Variants in PIWIL1 observed in about 807,000 individuals in gnomAD.
PIWIL1 encodes the protein piwi like RNA-mediated gene silencing 1, also known as piwi-like protein 1.
Under a neutral mutation model 114.4 loss-of-function variants are expected in PIWIL1, and 73 were observed. The observed-to-expected ratio is 0.64, with a 90% CI of 0.53 to 0.78. The LOEUF (loss-of-function observed/expected upper bound fraction) is 0.78, where lower values mean the gene tolerates loss of function less well. Ranked by LOEUF, PIWIL1 falls within the 30% of genes least tolerant of loss-of-function variation. The pLI, the probability that PIWIL1 is intolerant of heterozygous loss-of-function variation, is 0.00. For synonymous variants in PIWIL1, 375 were observed against 369.0 expected (o/e 1.02, Z -0.19); for missense variants, 723 against 1,063.1 (o/e 0.68, Z 4.45).
the PIWIL1 span, among the ~76,000 whole-genome samples, chr12:130,423,708 G>A: frequency 8.7e-6 from 1 of 115,250 alleles, no homozygotes; most frequent in African/African-American, 3.4e-5. Context: ...TTTTTTTTTG[G>A]TTATAAATGT....
At chr12:130,358,195 G>A (rs576505324) in intron 14 of PIWIL1, among the ~76,000 whole-genome samples, 7 of 152,274 alleles carry the variant, frequency 4.6e-5, no homozygotes, top group Non-Finnish European at 8.8e-5. Context: ...CCAGAGTCTC[G>A]CTACCTAGCG....
chr12:130,358,910 A>G (rs1226123055), intron 14 of PIWIL1, among the ~76,000 whole-genome samples: 1 of 152,100 alleles, frequency 6.6e-6, no homozygotes, highest in Non-Finnish European at 1.5e-5. Context: ...GTTGTTCACC[A>G]TGGTGTGCTT....
chr12:130,352,860 A>G (rs1415505612), intron 9 of PIWIL1, among the ~76,000 whole-genome samples: 2 of 152,206 alleles, frequency 1.3e-5, no homozygotes, highest in Non-Finnish European at 2.9e-5. Flanking sequence ...CAAGTCAGTG[A>G]TGTGGTGTGG....
intron 16 of PIWIL1, 42 bp downstream of exon 16, chr12:130,361,643 A>C (rs1308068868): frequency 6.7e-7 from 1 of 1,502,468 alleles, no homozygotes; most frequent in Admixed American, 1.7e-5. Context: ...TGAGGACATA[A>C]AGCAGGGTTC....
At position 130,371,546 on chromosome 12, in the gene PIWIL1, G is replaced by C. The variant is rs1266670224; in HGVS notation, c.2534G>C (p.Ser845Thr). The C allele has an allele frequency of 1.2e-6, 2 of 1,614,136 alleles. No individual in the cohort carries two copies. Among genetic ancestry groups the C allele is most frequent in the Non-Finnish European group, 1.7e-6 (2 of 1,180,036 alleles). Residue 845 changes from serine (S) to threonine (T), a missense_variant, in exon 21 of 21, where the codon AGT becomes ACT. Ser to Thr is a moderately conservative substitution (Grantham distance 58). This residue lies in a region of PIWIL1 where 106 missense variants were observed against 182.8 expected (regional missense o/e 0.58). Coordinates refer to ENST00000245255, the MANE Select transcript of PIWIL1 (RefSeq NM_004764.5). ...AHKLAFLVGQSIHREPNLSLS... is the reference protein window; with the variant it reads ...AHKLAFLVGQTIHREPNLSLS... ...AAGCTGGCTTTTCTTGTTGGCCAGAGTATTCACAGAGAGCCAAATCTGTCA... is the reference window on the plus strand; with the variant it reads ...AAGCTGGCTTTTCTTGTTGGCCAGACTATTCACAGAGAGCCAAATCTGTCA...
the PIWIL1 span, among the ~76,000 whole-genome samples, chr12:130,403,379 A>G: frequency 2.0e-5 from 3 of 152,240 alleles, no homozygotes; most frequent in Non-Finnish European, 4.4e-5. Flanking sequence ...AGGGAAGACT[A>G]TTCAAGAAAC....
rs185995248 is a variant in PIWIL1 at position 130,354,937 on chromosome 12, C to T, written c.1221C>T (p.Ala407=). 2.4e-5 allele frequency: 38 copies of T among 1,613,760 alleles called. No individual in the cohort carries two copies. Among genetic ancestry groups the T allele is most frequent in the African/African-American group, 1.1e-4 (8 of 74,990 alleles). The change falls in exon 11 of 21, where the codon GCC becomes GCT. Residue 407 remains alanine, a synonymous_variant. Transcript: ENST00000245255. ...ATTTTAACGTGATGAAAGACTTAGC[C>T]GTTCATACAAGACTAACTCCAGAGC... ...RNDFNVMKDL[A]VHTRLTPEQR...
At chr12:130,422,432 A>G in the PIWIL1 span, 1 of 1,546,104 alleles carries the variant, frequency 6.5e-7, no homozygotes, top group Non-Finnish European at 8.9e-7. The surrounding 1 kb of genome is among the most constrained non-coding windows in gnomAD (Gnocchi z 5.2). Context: ...AAGACACAAC[A>G]GCGATGATGG....
the PIWIL1 span, chr12:130,422,370 A>G: frequency 2.2e-6 from 2 of 911,884 alleles, no homozygotes; most frequent in Non-Finnish European, 3.4e-6. The surrounding 1 kb of genome is among the most constrained non-coding windows in gnomAD (Gnocchi z 5.2). Context: ...TGCTACTCCT[A>G]AAGTTTTGTT....
chr12:130,377,420 G>A (rs1363413457), downstream of PIWIL1, among the ~76,000 whole-genome samples: 5 of 152,152 alleles, frequency 3.3e-5, no homozygotes, highest in South Asian at 4.1e-4. Context: ...CGGTGCGCAC[G>A]CAGTTCACGG....
At chr12:130,356,285 A>ATTT (rs200936813) in intron 12 of PIWIL1, among the ~76,000 whole-genome samples, 2 of 141,734 alleles carry the variant, frequency 1.4e-5, no homozygotes, top group Non-Finnish European at 1.6e-5. Context: ...CAACATTTTC[A>ATTT]TTTTTTTTTT....
the PIWIL1 span, among the ~76,000 whole-genome samples, chr12:130,385,911 A>C: frequency 1.6e-3 from 249 of 152,316 alleles, no homozygotes; most frequent in African/African-American, 5.9e-3. Context: ...AATGATATTT[A>C]AGTTGCAAAT....
the PIWIL1 span, chr12:130,424,329 C>T: frequency 1.6e-6 from 2 of 1,231,780 alleles, no homozygotes; most frequent in South Asian, 4.1e-5. The surrounding 1 kb of genome is among the most constrained non-coding windows in gnomAD (Gnocchi z 9.8). Flanking sequence ...GAGGAGGCCA[C>T]CAGGGCCCAC....
the PIWIL1 span, chr12:130,412,545 G>C: frequency 7.3e-7 from 1 of 1,365,828 alleles, no homozygotes; most frequent in South Asian, 1.3e-5. Context: ...CCTCATCACC[G>C]CCTGCCTCTC....
Position 130,357,042 on chromosome 12 carries a change from C to A in PIWIL1, c.1529C>A (p.Ser510Ter). Residue 510 changes from serine to a stop codon, truncating the protein, a stop_gained, in exon 13 of 21, where the codon TCA (serine) becomes TAA (stop). Transcript: ENST00000245255. LOFTEE classifies it high-confidence loss of function. ...YTRRNYEAANSLIQNLFKVTP... is the reference protein window; with the variant it reads ...YTRRNYEAAN ...CGAAGAAATTATGAAGCAGCCAATT[C>A]ATTGATACAAAATCTATTTAAAGTT... 1 of 1,613,668 alleles carries A rather than the reference C, an allele frequency of 6.2e-7. No homozygotes were observed.
At chr12:130,403,525 T>G in the PIWIL1 span, among the ~76,000 whole-genome samples, 1 of 152,230 alleles carries the variant, frequency 6.6e-6, no homozygotes, top group African/African-American at 2.4e-5. Context: ...ATATGTAGAT[T>G]GTTAAAAACT....
chr12:130,390,177 T>C, the PIWIL1 span, among the ~76,000 whole-genome samples: 1 of 152,240 alleles, frequency 6.6e-6, no homozygotes, highest in Non-Finnish European at 1.5e-5. Flanking sequence ...TTCGTACTCT[T>C]AGTACTGCAG....
chr12:130,360,920 A>G (rs1489942409), intron 14 of PIWIL1, among the ~76,000 whole-genome samples: 2 of 152,208 alleles, frequency 1.3e-5, no homozygotes, highest in African/African-American at 4.8e-5. Context: ...TAAGTTCTCA[A>G]GTTTAAACAG....
chr12:130,389,511 A>G, the PIWIL1 span, among the ~76,000 whole-genome samples: 1 of 151,824 alleles, frequency 6.6e-6, no homozygotes, highest in Admixed American at 6.6e-5. Context: ...CAGTGTCATT[A>G]TTTTACACTT....
Sources: allele counts gnomAD v4.1 joint callset (sites outside exome capture counted in the v4.1 genomes callset), GRCh38; gene constraint gnomAD v4.1.1; regional missense constraint gnomAD v4.1.1; non-coding constraint Gnocchi (gnomAD v3.1); transcripts MANE v1.5; gene names NCBI Gene and HGNC (gene_info 2026-07-23, HGNC 2026-07-21).